TMC4: variants seen among roughly 807,000 people sequenced by gnomAD.
TMC4 encodes the protein transmembrane channel like 4, also known as voltage-gated chloride channel TMC4.
Under a neutral mutation model 82.0 loss-of-function variants are expected in TMC4, and 70 were observed. The ratio of observed to expected loss-of-function variants is 0.85; its 90% CI spans 0.70 to 1.04. The LOEUF (loss-of-function observed/expected upper bound fraction) is 1.04, where lower values mean the gene tolerates loss of function less well. Ranked by LOEUF, TMC4 falls within the 50% of genes least tolerant of loss-of-function variation. The pLI is 0.00. For synonymous variants in TMC4, 446 were observed against 406.0 expected, an observed-to-expected ratio of 1.10 and a Z score of -1.18; for missense variants, 879 against 899.0, an observed-to-expected ratio of 0.98 and a Z score of 0.28.
At position 54,165,506 on chromosome 19, in the gene TMC4, G is replaced by A. The variant is rs1209063917; in HGVS notation, c.858C>T (p.Ser286=). 1.2e-6 allele frequency: 2 copies of A among 1,612,678 alleles called. No individual in the cohort carries two copies. The highest frequency in any genetic ancestry group is 2.7e-5 in the African/African-American group (2 of 74,944). Residue 286 remains serine (S), a synonymous_variant, in exon 6 of 15, where the codon AGC becomes AGT. Transcript: ENST00000619895. ...LAESEALTSY[S]HRVFSAWDFG... ...AGTCCCAGGCCGAGAACACCCGGTG[G>A]CTGTAGCTGGTCAGAGCCTCGGACT...
Position 54,169,699 on chromosome 19 carries a change from C to G in TMC4, c.294-39G>C, listed in dbSNP as rs767443674. 4 of 1,606,058 alleles carry G rather than the reference C, an allele frequency of 2.5e-6. No individual in the cohort carries two copies. In the East Asian group the frequency reaches 8.9e-5, roughly 36 times the overall value. On this transcript the variant is annotated intron_variant, in intron 2 of 14. Coordinates refer to ENST00000619895, the MANE Select transcript of TMC4 (RefSeq NM_144686.4). ...AGGCAGAAAATGAGGGGTTTCGCAG[C>G]CCCAGACTGGGAACCATCTGAATGT... is the stretch of plus-strand genomic sequence containing the variant.
chr19:54,169,549 G>A lies in TMC4; in HGVS notation c.405C>T (p.Ser135=), dbSNP rs746013888. 1 of 1,613,756 alleles carries A rather than the reference G, an allele frequency of 6.2e-7. No individual in the cohort carries two copies. Among genetic ancestry groups the A allele is most frequent in the East Asian group, 2.2e-5 (1 of 44,848 alleles). ...TCAGTGTCCACGCCCAGGGCTGCAG[G>A]CTTCGCAAGCCTTCCTTTGTTTTCT... is the stretch of plus-strand genomic sequence containing the variant. ...SKEKTKEGLR[S]LQPWAWTLKR... The change falls in exon 3 of 15, where the codon AGC becomes AGT. Residue 135 remains serine (S), a synonymous_variant. Transcript: ENST00000619895.
At position 54,164,402 on chromosome 19, in the gene TMC4, C is replaced by T. The variant is rs371539421; in HGVS notation, c.1113+32G>A. ...CCGTTGGAAATGTAGGTTCCAGGAC[C>T]CCCTGGCTTCCTCTTCCAAGACCGT... On this transcript the variant is annotated intron_variant, in intron 7 of 14. Coordinates refer to ENST00000619895, the MANE Select transcript of TMC4 (RefSeq NM_144686.4). 15 of 1,582,378 alleles carry T rather than the reference C, an allele frequency of 9.5e-6. No individual in the cohort carries two copies. In the African/African-American group the frequency reaches 1.8e-4, roughly 19 times the overall value.
chr19:54,164,186 G>C (rs1398458603), intron 7 of TMC4, among the ~76,000 whole-genome samples: 1 of 151,670 alleles, frequency 6.6e-6, no homozygotes, highest in East Asian at 1.9e-4. Context: ...TGTTGGTCAG[G>C]CTGGTCTGGA....
chr19:54,161,751 A>G (rs1304648310), intron 11 of TMC4, among the ~76,000 whole-genome samples: 3 of 152,130 alleles, frequency 2.0e-5, no homozygotes, highest in African/African-American at 4.8e-5. Context: ...CATGTTAGCC[A>G]GGCTGGTCTC....
At chr19:54,160,653 G>A in intron 13 of TMC4, 108 bp from the exon 14 acceptor site, 4 of 1,548,842 alleles carry the variant, frequency 2.6e-6, no homozygotes, top group Non-Finnish European at 3.5e-6. Flanking sequence ...CTCCTCGTCT[G>A]GGCTCAAGGA....
In TMC4 at chr19:54,162,293, A is replaced by ACGGGG; in HGVS notation, c.1503-13_1503-9dup. On this transcript the variant is annotated splice_polypyrimidine_tract_variant and intron_variant, in intron 10 of 14. Transcript: ENST00000619895. ...CAGAGGCCACAGAGGAGCCTGAAGG[A>ACGGGG]CGGGGCGGGGCCGGGCCGGAGTCAG... The ACGGGG allele has an allele frequency of 9.3e-6, 14 of 1,504,948 alleles. No homozygotes were observed. The highest frequency in any genetic ancestry group is 1.2e-5 in the Non-Finnish European group (14 of 1,126,800). 93.2% of individuals were successfully genotyped at this position (1,504,948 alleles called of 1,614,324 possible). A position where few individuals can be genotyped will look rare whatever the true frequency, so the allele number is the denominator to read the frequency against.
intron 10 of TMC4, 85 bp from the exon 11 acceptor site, chr19:54,162,370 G>T: frequency 4.3e-6 from 3 of 695,444 alleles, no homozygotes; most frequent in Non-Finnish European, 6.5e-6. Context: ...CCGCCAATAG[G>T]AAGCATGCGT....
At position 54,162,696 on chromosome 19, in the gene TMC4, C is replaced by T; in HGVS notation, c.1479G>A (p.Ala493=). ...ACTTTCTAGGAAACTGGATGAGCAG[C>T]GCGACTGCCAAGACAGTCAGCAGAT... ...LFDLLTVLAV[A]LLIQFPRKLL... Residue 493 remains alanine (A), a synonymous_variant, in exon 10 of 15, where the codon GCG becomes GCA. Transcript: ENST00000619895. 6.2e-7 allele frequency: 1 copy of T among 1,613,868 alleles called. No homozygotes were observed. Among genetic ancestry groups the T allele is most frequent in the Non-Finnish European group, 8.5e-7 (1 of 1,179,922 alleles).
intron 13 of TMC4, 119 bp from the exon 14 acceptor site, chr19:54,160,664 G>T: frequency 1.3e-6 from 2 of 1,525,974 alleles, no homozygotes; most frequent in East Asian, 2.4e-5. Context: ...GGCTCAAGGA[G>T]TTCAGTCTCC....
chr19:54,161,070 G>C (rs2075535287), intron 12 of TMC4, 37 bp from the exon 13 acceptor site: 2 of 1,611,954 alleles, frequency 1.2e-6, no homozygotes, highest in African/African-American at 1.3e-5. Context: ...ATAGTGCCAG[G>C]AGTCTGAACA....
rs1288351540 is a variant in TMC4, at chr19:54,160,151, G to C, written c.*155C>G. On this transcript the variant is annotated 3_prime_UTR_variant, in exon 15 of 15. Coordinates refer to ENST00000619895, the MANE Select transcript of TMC4 (RefSeq NM_144686.4). Reference sequence around the variant, plus strand: ...TTTATTGATACAAGGAAGATCACCCGAGAGTCAGGGACGTGGCGGCGAGGG... The same window carrying C: ...TTTATTGATACAAGGAAGATCACCCCAGAGTCAGGGACGTGGCGGCGAGGG... The C allele has an allele frequency of 5.0e-6, 4 of 804,608 alleles. No individual in the cohort carries two copies. Among genetic ancestry groups the C allele is most frequent in the Admixed American group, 5.9e-5 (2 of 34,102 alleles). 49.8% of individuals were successfully genotyped at this position (804,608 alleles called of 1,614,324 possible).
chr19:54,171,980 C>T lies in TMC4; in HGVS notation c.183G>A (p.Glu61=), dbSNP rs760483149. The change falls in exon 2 of 15, where the codon GAG becomes GAA. Residue 61 remains glutamate (E), a synonymous_variant. Coordinates refer to ENST00000619895, the MANE Select transcript of TMC4 (RefSeq NM_144686.4). ...LPWGALEEEE[E]DGGRSRKAFT... The stretch of plus-strand genomic sequence containing the variant: ...AGGCCTTTCTGCTCCTTCCTCCATC[C>T]TCCTCCTCCTCCTCCAGCGCCCCCC... 1 of 1,499,244 alleles carries T rather than the reference C, an allele frequency of 6.7e-7. No homozygotes were observed. Among genetic ancestry groups the T allele is most frequent in the Admixed American group, 1.9e-5 (1 of 51,496 alleles). 92.9% of individuals were successfully genotyped at this position (1,499,244 alleles called of 1,614,324 possible).
At position 54,163,808 on chromosome 19, in the gene TMC4, T is replaced by C. The variant is rs1337489492; in HGVS notation, c.1193A>G (p.Asn398Ser). 1.2e-6 allele frequency: 2 copies of C among 1,613,808 alleles called. No homozygotes were observed. The highest frequency in any genetic ancestry group is 1.7e-5 in the Admixed American group (1 of 59,954). Residue 398 changes from asparagine to serine, a missense_variant, in exon 8 of 15, where the codon AAT becomes AGT. Physicochemically the swap from Asn to Ser is conservative, Grantham distance 46 (BLOSUM62 1). Transcript: ENST00000619895. ...YLPSIFIAGV[N>S]FVLPPVFKLI... The stretch of plus-strand genomic sequence containing the variant: ...CTTGAACACGGGCGGCAGCACAAAA[T>C]TGACCCCAGCGATGAAGATGGACGG...
chr19:54,166,780 C>A (rs867135926), intron 5 of TMC4, among the ~76,000 whole-genome samples: 3 of 151,980 alleles, frequency 2.0e-5, no homozygotes, highest in African/African-American at 7.3e-5. Flanking sequence ...ATGGTGAAAC[C>A]CCATTTCTAC....
Position 54,164,491 on chromosome 19 carries a change from G to A in TMC4, c.1056C>T (p.Leu352=). The A allele has an allele frequency of 1.2e-6, 2 of 1,613,700 alleles. No individual in the cohort carries two copies. Among genetic ancestry groups the A allele is most frequent in the Non-Finnish European group, 8.5e-7 (1 of 1,179,970 alleles). Residue 352 remains leucine (L), a synonymous_variant, in exon 7 of 15, where the codon CTC becomes CTT. Coordinates refer to ENST00000619895, the MANE Select transcript of TMC4 (RefSeq NM_144686.4). ...RVLLNLLVVA[L]LGAAFYGVYW... is the part of the protein sequence containing the mutation. ...AGACGCCATAGAAGGCTGCCCCCAGGAGCGCGACCACCAGCAGGTTGAGCA... is the reference window on the plus strand; with the variant it reads ...AGACGCCATAGAAGGCTGCCCCCAGAAGCGCGACCACCAGCAGGTTGAGCA...
At chr19:54,166,908 G>A (rs994539103) in intron 5 of TMC4, among the ~76,000 whole-genome samples, 7 of 151,614 alleles carry the variant, frequency 4.6e-5, no homozygotes, top group African/African-American at 1.2e-4. Context: ...AGCTGAGATC[G>A]CACTACTGCA....
chr19:54,171,328 C>T (rs11668882), intron 2 of TMC4, among the ~76,000 whole-genome samples: 90,714 of 151,838 alleles, frequency 0.6, 27,189 homozygotes, highest in East Asian at 0.67. Flanking sequence ...AGGCTGGTCT[C>T]GAACTCCTGA....
intron 14 of TMC4, 33 bp downstream of exon 14, chr19:54,160,434 C>G (rs755690455): frequency 6.2e-7 from 1 of 1,610,108 alleles, no homozygotes; most frequent in Non-Finnish European, 8.5e-7. Flanking sequence ...TCCATGTTCC[C>G]CAGGGGCCCT....
Sources: gnomAD v4.1 joint callset for allele counts (sites outside exome capture counted in the v4.1 genomes callset) on GRCh38, gnomAD v4.1.1 for gene constraint, MANE v1.5 for transcripts, NCBI Gene and HGNC (gene_info 2026-07-23, HGNC 2026-07-21) for gene names.